Variants in MPHOSPH8 observed in about 807,000 individuals in gnomAD.
MPHOSPH8 encodes the protein M-phase phosphoprotein 8, also known as M-phase phosphoprotein, mpp.
Under a neutral mutation model 87.3 loss-of-function variants are expected in MPHOSPH8, and 45 were observed. The observed-to-expected ratio is 0.52, with a 90% CI of 0.41 to 0.66. The LOEUF is 0.66. Among genes scored for constraint, MPHOSPH8 ranks in the 30% least tolerant of loss-of-function variants. MPHOSPH8 has a pLI of 0.00. For synonymous variants in MPHOSPH8, 366 were observed against 376.9 expected (o/e 0.97, Z 0.33); for missense variants, 883 against 1,020.2 (o/e 0.87, Z 1.83).
intron 4 of MPHOSPH8, 78 bp from the exon 5 acceptor site, chr13:19,649,925 C>A: frequency 8.3e-7 from 1 of 1,201,750 alleles, no homozygotes; most frequent in African/African-American, 1.5e-5. Context: ...GTTGCTTTAA[C>A]ACTAAGTTAG....
chr13:19,643,576 T>C lies in MPHOSPH8; in HGVS notation c.369+1306T>C, dbSNP rs559212086. On this transcript the variant is annotated intron_variant, in intron 2 of 13. Transcript: ENST00000361479. ...GATTTTTCTTTTAAAGATGGTACCA[T>C]ATACTAATTTTGCCCTTTGCCCTTC... 5.5e-3 allele frequency among the ~76,000 whole-genome samples: 831 copies of C among 152,296 alleles called. 4 individuals are homozygous for C. Among genetic ancestry groups the C allele is most frequent in the Non-Finnish European group, 8.0e-3 (544 of 68,008 alleles).
In MPHOSPH8 at chr13:19,666,525, C is replaced by T. The variant is rs778576435; in HGVS notation, c.2120C>T (p.Ala707Val). ...SKHQNSALHF[A>V]KQSNNVLVYD... ...CACCAGAATAGTGCCCTGCACTTTG[C>T]GAAGCAGTCTAACAATGTGCTTGTG... The change falls in exon 10 of 14, where the codon GCG becomes GTG. Residue 707 changes from alanine (A) to valine (V), a missense_variant. By Grantham distance (64) the Ala-to-Val change is moderately conservative. Around this residue, in one of 3 missense-constraint regions of MPHOSPH8, gnomAD observed 741 missense variants for 841.5 expected, o/e 0.88. Transcript: ENST00000361479. 22 of 1,605,058 alleles carry T rather than the reference C, an allele frequency of 1.4e-5. No individual in the cohort carries two copies. Among genetic ancestry groups the T allele is most frequent in the Non-Finnish European group, 1.6e-5 (19 of 1,172,714 alleles).
chr13:19,634,875 TTGTC>T (rs758301634), intron 1 of MPHOSPH8, among the ~76,000 whole-genome samples: 16 of 152,232 alleles, frequency 1.1e-4, no homozygotes, highest in African/African-American at 1.7e-4. Context: ...TGTGTTTTCA[TTGTC>T]TGTTATTTCC....
chr13:19,651,537 AAAAAG>A, intron 5 of MPHOSPH8, among the ~76,000 whole-genome samples: 1 of 152,156 alleles, frequency 6.6e-6, no homozygotes, highest in South Asian at 2.1e-4. Flanking sequence ...CAAAAAAAAA[AAAAAG>A]AAAACTGGCT....
chr13:19,670,190 C>A, intron 11 of MPHOSPH8, 46 bp from the exon 12 acceptor site: 1 of 1,611,088 alleles, frequency 6.2e-7, no homozygotes, highest in Non-Finnish European at 8.5e-7. Flanking sequence ...CCTCTGGGGA[C>A]TGAAGGTTGC....
chr13:19,650,263 G>C lies in MPHOSPH8; in HGVS notation c.1576+3G>C. 1 of 1,610,662 alleles carries C rather than the reference G, an allele frequency of 6.2e-7. No individual in the cohort carries two copies. Among genetic ancestry groups the C allele is most frequent in the African/African-American group, 1.3e-5 (1 of 74,854 alleles). On this transcript the variant is annotated splice_donor_region_variant and intron_variant, in intron 5 of 13. Transcript: ENST00000361479. ...GTGCCAAGCAGATGAGAATTCAGGT[G>C]AGTTTGGAATCATTTTGCAGAATTT...
At chr13:19,667,894 G>A (rs1875903767) in intron 10 of MPHOSPH8, among the ~76,000 whole-genome samples, 1 of 152,154 alleles carries the variant, frequency 6.6e-6, no homozygotes, top group African/African-American at 2.4e-5. Flanking sequence ...TCAAGGCGGT[G>A]TTTATGTAGC....
chr13:19,671,175 CACTG>C, intron 12 of MPHOSPH8, 27 bp from the exon 13 acceptor site: 8 of 1,607,010 alleles, frequency 5.0e-6, no homozygotes, highest in Non-Finnish European at 6.8e-6. Flanking sequence ...AGTTTGAAAA[CACTG>C]ACTTTTTTTT....
At position 19,642,859 on chromosome 13, in the gene MPHOSPH8, C is replaced by G. The variant is rs1254948463; in HGVS notation, c.369+589C>G. ...ATGACCAAAACAATATTAGTTTTGA[C>G]TGTGTGTAGTAGTTGTTAATAATAA... On this transcript the variant is annotated intron_variant, in intron 2 of 13. Coordinates refer to ENST00000361479, the MANE Select transcript of MPHOSPH8 (RefSeq NM_017520.4). 2.0e-5 allele frequency among the ~76,000 whole-genome samples: 3 copies of G among 152,224 alleles called. No homozygotes were observed. In the East Asian group the frequency reaches 5.8e-4, roughly 29 times the overall value.
At chr13:19,648,796 T>C (rs1874701642) in intron 4 of MPHOSPH8, among the ~76,000 whole-genome samples, 1 of 152,108 alleles carries the variant, frequency 6.6e-6, no homozygotes, top group Non-Finnish European at 1.5e-5. Context: ...TGTGTAAATA[T>C]AATATTGAAT....
rs538603489 is a variant in MPHOSPH8, at chr13:19,661,998, G to A, written c.1932+160G>A. Among the ~76,000 whole-genome samples the A allele has an allele frequency of 3.3e-5, 5 of 151,438 alleles. No individual in the cohort carries two copies. In the South Asian group the frequency reaches 1.0e-3, roughly 32 times the overall value. ...GCTCTGTCGCCGAGGCTGGAGTGCA[G>A]TGGCACGATCTCAGCTCACTGCAAG... is the stretch of plus-strand genomic sequence containing the variant. On this transcript the variant is annotated intron_variant, in intron 8 of 13. Transcript: ENST00000361479.
intron 5 of MPHOSPH8, among the ~76,000 whole-genome samples, chr13:19,655,076 C>T (rs1334714164): frequency 6.6e-6 from 1 of 152,076 alleles, no homozygotes; most frequent in Non-Finnish European, 1.5e-5. Flanking sequence ...TTGGGTTTTT[C>T]CTACAAATTG....
At chr13:19,671,515 G>T (rs539930150) in intron 13 of MPHOSPH8, among the ~76,000 whole-genome samples, 16 of 152,310 alleles carry the variant, frequency 1.1e-4, no homozygotes, top group African/African-American at 3.8e-4. Context: ...TGCCTCTCTA[G>T]AGGATGGAGC....
chr13:19,640,308 G>A (rs755327712), intron 1 of MPHOSPH8, among the ~76,000 whole-genome samples: 7 of 152,152 alleles, frequency 4.6e-5, no homozygotes, highest in Non-Finnish European at 7.3e-5. Context: ...TTTAGACAGC[G>A]CATGGCACAT....
rs182522901 is a variant in MPHOSPH8 at position 19,661,878 on chromosome 13, G to C, written c.1932+40G>C. The C allele has an allele frequency of 3.3e-4, 522 of 1,560,844 alleles. 2 individuals carry two copies. The African/African-American group carries it at 6.6e-3, about 20-fold the overall frequency. ...ATGCATCAGTTTCAGAGCTTTCATG[G>C]TATTCCTGCCGATGGACTGAGAGGA... On this transcript the variant is annotated intron_variant, in intron 8 of 13. Coordinates refer to ENST00000361479, the MANE Select transcript of MPHOSPH8 (RefSeq NM_017520.4).
At chr13:19,655,940 C>A (rs1300758656) in intron 5 of MPHOSPH8, among the ~76,000 whole-genome samples, 1 of 151,930 alleles carries the variant, frequency 6.6e-6, no homozygotes, top group Non-Finnish European at 1.5e-5. Flanking sequence ...TGGTGAAACT[C>A]CACTTCTACA....
chr13:19,656,734 TGG>T (rs560096229), intron 5 of MPHOSPH8, among the ~76,000 whole-genome samples: 81 of 152,098 alleles, frequency 5.3e-4, no homozygotes, highest in Non-Finnish European at 7.6e-4. Flanking sequence ...CACTCCAGCC[TGG>T]GGGACAAGAG....
chr13:19,650,651 T>C (rs1001014976), intron 5 of MPHOSPH8, among the ~76,000 whole-genome samples: 4 of 152,172 alleles, frequency 2.6e-5, no homozygotes, highest in African/African-American at 9.7e-5. Flanking sequence ...GATTATATTA[T>C]AAATGCTGTC....
At chr13:19,666,167 C>T (rs1191761426) in intron 9 of MPHOSPH8, among the ~76,000 whole-genome samples, 1 of 152,176 alleles carries the variant, frequency 6.6e-6, no homozygotes, top group Non-Finnish European at 1.5e-5. Flanking sequence ...TTCCTGAAAA[C>T]TCAGTGCTAA....
Sources: gnomAD v4.1 joint callset for allele counts (sites outside exome capture counted in the v4.1 genomes callset) on GRCh38, gnomAD v4.1.1 for gene constraint, gnomAD v4.1.1 regional missense constraint, MANE v1.5 for transcripts, NCBI Gene and HGNC (gene_info 2026-07-23, HGNC 2026-07-21) for gene names.